Variants in PTPRT observed in about 807,000 individuals in gnomAD.
PTPRT encodes receptor-type tyrosine-protein phosphatase T.
Under a neutral mutation model 176.8 loss-of-function variants are expected in PTPRT, and 56 were observed. The ratio of observed to expected loss-of-function variants is 0.32; its 90% CI spans 0.26 to 0.40. The LOEUF (loss-of-function observed/expected upper bound fraction) is 0.40. Ranked by LOEUF, PTPRT falls within the 10% of genes least tolerant of loss-of-function variation. The pLI is 1.00. For synonymous variants in PTPRT, 783 were observed against 739.0 expected (o/e 1.06, Z -0.96); for missense variants, 1,540 against 1,908.2 (o/e 0.81, Z 3.60).
chr20:42,119,272 G>C (rs539646890), intron 20 of PTPRT, among the ~76,000 whole-genome samples: 2 of 152,182 alleles, frequency 1.3e-5, no homozygotes, highest in Non-Finnish European at 2.9e-5. Context: ...CTTACCAAGC[G>C]TAACAGTTTT....
chr20:42,867,407 T>C (rs2078765718), intron 2 of PTPRT, among the ~76,000 whole-genome samples: 3 of 149,318 alleles, frequency 2.0e-5, no homozygotes, highest in Admixed American at 6.7e-5. Context: ...TTTTTTTTTT[T>C]TTTTTTTTTT....
At chr20:42,330,971 T>C (rs923071674) in intron 11 of PTPRT, among the ~76,000 whole-genome samples, 2 of 152,214 alleles carry the variant, frequency 1.3e-5, no homozygotes, top group Non-Finnish European at 2.9e-5. Flanking sequence ...ACATTAAATT[T>C]TGAAAAGCAG....
intron 1 of PTPRT, among the ~76,000 whole-genome samples, chr20:42,912,456 CTTA>C (rs546167059): frequency 4.1e-4 from 63 of 152,244 alleles, no homozygotes; most frequent in Middle Eastern, 3.4e-3. Context: ...AACACATTAA[CTTA>C]TTATCTACAT....
At chr20:42,501,693 T>C (rs1029312653) in intron 7 of PTPRT, among the ~76,000 whole-genome samples, 13 of 152,216 alleles carry the variant, frequency 8.5e-5, no homozygotes, top group Non-Finnish European at 1.5e-4. Context: ...ATATTTATTA[T>C]CTGGTTTTTA....
intron 22 of PTPRT, 91 bp from the exon 23 acceptor site, chr20:42,110,578 A>C (rs2146293683): frequency 7.2e-7 from 1 of 1,381,898 alleles, no homozygotes; most frequent in Non-Finnish European, 9.7e-7. Flanking sequence ...GCACTGAGGA[A>C]CCTCCCGCAG....
intron 1 of PTPRT, among the ~76,000 whole-genome samples, chr20:42,958,232 A>G (rs536925818): frequency 1.1e-5 from 1 of 94,920 alleles, no homozygotes; most frequent in African/African-American, 4.5e-5. Flanking sequence ...GGAGACAGGG[A>G]GAGGGAGAAA....
At chr20:42,105,043 T>G (rs1182660596) in intron 24 of PTPRT, among the ~76,000 whole-genome samples, 2 of 152,200 alleles carry the variant, frequency 1.3e-5, no homozygotes, top group African/African-American at 4.8e-5. Context: ...GGAAGGCTGC[T>G]TGCTGCAAAC....
chr20:42,805,707 C>A (rs1347909242), intron 2 of PTPRT, among the ~76,000 whole-genome samples: 1 of 152,182 alleles, frequency 6.6e-6, no homozygotes, highest in African/African-American at 2.4e-5. Flanking sequence ...TTTCGAGGCT[C>A]TGAAGTACCT....
chr20:42,968,539 C>A (rs997017482), intron 1 of PTPRT, among the ~76,000 whole-genome samples: 1 of 152,134 alleles, frequency 6.6e-6, no homozygotes, highest in African/African-American at 2.4e-5. Flanking sequence ...ATAAGAGGAA[C>A]GGCTGCGAGT....
intron 7 of PTPRT, among the ~76,000 whole-genome samples, chr20:42,594,295 A>G (rs1461328017): frequency 3.3e-5 from 5 of 152,086 alleles, no homozygotes; most frequent in Non-Finnish European, 5.9e-5. Flanking sequence ...CACCACGACC[A>G]TTTCTGAGAA....
downstream of PTPRT, among the ~76,000 whole-genome samples, chr20:42,068,263 T>A (rs557407335): frequency 1.2e-4 from 19 of 152,304 alleles, no homozygotes; most frequent in African/African-American, 4.3e-4. Context: ...AAAGGCACCA[T>A]GGACTTCCCA....
chr20:42,819,181 C>T (rs530958265), intron 2 of PTPRT, among the ~76,000 whole-genome samples: 1 of 152,230 alleles, frequency 6.6e-6, no homozygotes, highest in Admixed American at 6.5e-5. Context: ...AAGGGAAGCC[C>T]ATCAGACTAA....
intron 19 of PTPRT, among the ~76,000 whole-genome samples, chr20:42,127,156 C>G (rs564231944): frequency 1.7e-4 from 26 of 152,298 alleles, no homozygotes; most frequent in African/African-American, 6.3e-4. Context: ...GCAACCAACC[C>G]TTAGAACTAG....
Position 42,614,952 on chromosome 20 carries a change from A to T in PTPRT, c.1153+62914T>A, listed in dbSNP as rs188436871. ...TTTTTTTTCTATTTTTTTTTTAATT[A>T]TACTTTAAGTTTTAGGGTACATGTG... On this transcript the variant is annotated intron_variant, in intron 7 of 30. Transcript: ENST00000373187. 2.1e-3 allele frequency among the ~76,000 whole-genome samples: 283 copies of T among 133,632 alleles called. 5 individuals are homozygous for T. The highest frequency in any genetic ancestry group is 0.014 in the East Asian group (66 of 4,704). The allele number at this position is 133,632 out of a possible 152,430, so 87.7% of individuals were successfully genotyped here.
intron 1 of PTPRT, among the ~76,000 whole-genome samples, chr20:42,913,912 C>G (rs1433512256): frequency 2.6e-5 from 4 of 152,146 alleles, no homozygotes; most frequent in African/African-American, 9.7e-5. Context: ...TTGAACTCAT[C>G]ATATGGTTTT....
chr20:42,740,065 C>T (rs1380922147), intron 6 of PTPRT, among the ~76,000 whole-genome samples: 1 of 152,198 alleles, frequency 6.6e-6, no homozygotes, highest in African/African-American at 2.4e-5. Flanking sequence ...ACGCTCAACC[C>T]TGTCAGGGAT....
intron 7 of PTPRT, among the ~76,000 whole-genome samples, chr20:42,665,486 C>T (rs2075298836): frequency 6.6e-6 from 1 of 152,054 alleles, no homozygotes; most frequent in Non-Finnish European, 1.5e-5. Context: ...CACTTTTACA[C>T]TGTTGGTGGG....
chr20:42,532,327 T>G (rs990858621), intron 7 of PTPRT, among the ~76,000 whole-genome samples: 1 of 152,198 alleles, frequency 6.6e-6, no homozygotes, highest in Non-Finnish European at 1.5e-5. Context: ...GGGATGTCAG[T>G]GCATGGCATG....
chr20:42,895,068 G>A (rs960391755), intron 1 of PTPRT, among the ~76,000 whole-genome samples: 1 of 152,138 alleles, frequency 6.6e-6, no homozygotes, highest in African/African-American at 2.4e-5. Context: ...TTTAACTGGG[G>A]GGTTGTTAAA....
Sources: gnomAD v4.1 joint callset for allele counts (sites outside exome capture counted in the v4.1 genomes callset) on GRCh38, gnomAD v4.1.1 for gene constraint, MANE v1.5 for transcripts, NCBI Gene and HGNC (gene_info 2026-07-23, HGNC 2026-07-21) for gene names.